Variants in ARL1 observed in about 807,000 individuals in gnomAD.
ARL1 encodes the protein ADP-ribosylation factor-like protein 1.
Under a neutral mutation model 30.1 loss-of-function variants are expected in ARL1, and 17 were observed. The observed-to-expected ratio is 0.56, with a 90% confidence interval of 0.39 to 0.85. ARL1 has a LOEUF of 0.85. Ranked by LOEUF, ARL1 falls within the 40% of genes least tolerant of loss-of-function variation. The probability of loss-of-function intolerance (pLI) is 0.00; values close to 1 mark genes in which losing one functional copy is unlikely to be tolerated. For synonymous variants in ARL1, 58 were observed against 71.7 expected (o/e 0.81, Z 0.97); for missense variants, 102 against 212.6 (o/e 0.48, Z 3.24).
Position 101,405,928 on chromosome 12 carries a change from T to C in ARL1, c.58A>G (p.Ile20Val). The C allele has an allele frequency of 1.3e-6, 2 of 1,569,946 alleles. No individual in the cohort carries two copies. Among genetic ancestry groups the C allele is most frequent in the South Asian group, 1.2e-5 (1 of 85,504 alleles). The stretch of plus-strand genomic sequence containing the variant: ...GCTCCATCTAATCCCAAAATTAAAA[T>C]TCTCATTTCCCGAGTTCCAAACAGA... ...SSLFGTREMR[I>V]LILGLDGAGK... The change falls in exon 2 of 6, where the codon ATT (isoleucine) becomes GTT (valine). Residue 20 changes from isoleucine (I) to valine (V), a missense_variant. Physicochemically the swap from Ile to Val is conservative, Grantham distance 29. Coordinates refer to ENST00000261636, the MANE Select transcript of ARL1 (RefSeq NM_001177.6).
chr12:101,401,426 C>T (rs1395247209), intron 3 of ARL1: 3 of 238,782 alleles, frequency 1.3e-5, no homozygotes, highest in South Asian at 9.7e-5. Context: ...CAACTGAGGT[C>T]GGGAGTTCGA....
intron 1 of ARL1, 113 bp downstream of exon 1, chr12:101,407,529 C>G (rs1871480073): frequency 1.4e-6 from 2 of 1,434,082 alleles, no homozygotes; most frequent in Admixed American, 3.8e-5. Context: ...GACCCGCCCC[C>G]TGAGGAGCTG....
In ARL1 at chr12:101,407,725, A is replaced by G; in HGVS notation, c.-80T>C. 6.3e-7 allele frequency: 1 copy of G among 1,598,992 alleles called. No homozygotes were observed. On this transcript the variant is annotated 5_prime_UTR_variant, in exon 1 of 6. Transcript: ENST00000261636. ...GCAGCTCCGAGGCGGTTTCCTCGCA[A>G]GCCCAGTCAGCCAGCAACTTCCACG...
chr12:101,401,352 A>G (rs539492243), intron 3 of ARL1, 179 bp from the exon 4 acceptor site: 6 of 491,578 alleles, frequency 1.2e-5, no homozygotes, highest in Admixed American at 7.4e-5. Context: ...GTTGATAAAC[A>G]TTGGCTGGGC....
Position 101,403,579 on chromosome 12 carries a change from T to C in ARL1, c.143-633A>G, listed in dbSNP as rs545426466. On this transcript the variant is annotated intron_variant, in intron 2 of 5. Coordinates refer to ENST00000261636, the MANE Select transcript of ARL1 (RefSeq NM_001177.6). ...TCTGCAGACATCCTCCAGAACTCAC[T>C]TGTAATAAGGTCATGGCTGGGTGGT... is the stretch of plus-strand genomic sequence containing the variant. 340 of 166,802 alleles carry C rather than the reference T, an allele frequency of 2.0e-3. 1 individual carries two copies. Among genetic ancestry groups the C allele is most frequent in the African/African-American group, 7.5e-3 (314 of 41,724 alleles). 10.3% of individuals were successfully genotyped at this position (166,802 alleles called of 1,614,324 possible).
rs373636760 is a variant in ARL1, at chr12:101,405,836, A to G, written c.142+8T>C. The stretch of plus-strand genomic sequence containing the variant: ...TCCCTACAATTAGCTCATCATACCA[A>G]CACTTACTAGGTATAGTAGTAACAA... On this transcript the variant is annotated splice_region_variant and intron_variant, in intron 2 of 5. Transcript: ENST00000261636. 1.4e-4 allele frequency: 222 copies of G among 1,548,292 alleles called. No individual in the cohort carries two copies. In the African/African-American group the frequency reaches 2.3e-3, roughly 16 times the overall value.
chr12:101,397,700 A>G (rs888337303), intron 4 of ARL1, among the ~76,000 whole-genome samples: 11 of 151,970 alleles, frequency 7.2e-5, no homozygotes, highest in African/African-American at 2.7e-4. Flanking sequence ...AGGTTTCACC[A>G]TGTTGGTCAC....
At chr12:101,405,076 G>C (rs1342206295) in intron 2 of ARL1, among the ~76,000 whole-genome samples, 1 of 152,040 alleles carries the variant, frequency 6.6e-6, no homozygotes, top group Non-Finnish European at 1.5e-5. Context: ...TCTCCATGTT[G>C]GTTGGGCTGG....
In ARL1 at chr12:101,395,821, G is replaced by A. The variant is rs138076259; in HGVS notation, c.516-151C>T. On this transcript the variant is annotated intron_variant, in intron 5 of 5. Transcript: ENST00000261636. ...AGGTTATGCACTAGATATCCATAAG[G>A]TTCCTCTAAGCTTTGAATTTGTCTA... Among the ~76,000 whole-genome samples, 698 of 152,180 alleles carry A rather than the reference G, an allele frequency of 4.6e-3. 5 individuals carry two copies. Among genetic ancestry groups the A allele is most frequent in the African/African-American group, 0.016 (680 of 41,516 alleles).
At chr12:101,402,818 T>A in intron 3 of ARL1, 47 bp downstream of exon 3, 2 of 1,342,204 alleles carry the variant, frequency 1.5e-6, no homozygotes, top group Non-Finnish European at 2.1e-6. Context: ...CTTAAAAGAA[T>A]CAATAAATGT....
rs911659073 is a variant in ARL1 at position 101,394,328 on chromosome 12, G to A, written c.*1312C>T. The A allele has an allele frequency of 6.6e-6, 1 of 152,112 alleles. No individual in the cohort carries two copies. The highest frequency in any genetic ancestry group is 2.4e-5 in the African/African-American group (1 of 41,426). The allele number at this position is 152,112 out of a possible 1,614,324, so 9.4% of individuals were successfully genotyped here. A position where few individuals can be genotyped will look rare whatever the true frequency, so the allele number is the denominator to read the frequency against. On this transcript the variant is annotated 3_prime_UTR_variant, in exon 6 of 6. Transcript: ENST00000261636. ...ACCAGCACCTAATTTTTTAGAGGCT[G>A]GTTTTCCAACTTAAGTGAAAGAAAT...
rs1199117125 is a variant in ARL1, at chr12:101,393,673, G to A, written c.*1967C>T. 1 of 152,138 alleles carries A rather than the reference G, an allele frequency of 6.6e-6. No individual in the cohort carries two copies. The highest frequency in any genetic ancestry group is 2.4e-5 in the African/African-American group (1 of 41,416). The allele number at this position is 152,138 out of a possible 1,614,324, so 9.4% of individuals were successfully genotyped here. A position where few individuals can be genotyped will look rare whatever the true frequency, so the allele number is the denominator to read the frequency against. Reference sequence around the variant, plus strand: ...CCAGAGGGATCAGGCTTAACCAAGTGCTGAACTTTGGGGCAACTTCATGCC... The same window carrying A: ...CCAGAGGGATCAGGCTTAACCAAGTACTGAACTTTGGGGCAACTTCATGCC... On this transcript the variant is annotated 3_prime_UTR_variant, in exon 6 of 6. Coordinates refer to ENST00000261636, the MANE Select transcript of ARL1 (RefSeq NM_001177.6).
chr12:101,407,575 C>T lies in ARL1; in HGVS notation c.4+67G>A, dbSNP rs1188375243. 5.6e-6 allele frequency: 9 copies of T among 1,601,044 alleles called. No homozygotes were observed. In the African/African-American group the frequency reaches 1.1e-4, roughly 19 times the overall value. On this transcript the variant is annotated intron_variant, in intron 1 of 5. Coordinates refer to ENST00000261636, the MANE Select transcript of ARL1 (RefSeq NM_001177.6). ...GGTATCCTGGCCGGCCCCTCTCCTC[C>T]TCTGCACCCCAGCCCTCGGCCGCGG...
rs1247756052 is a variant in ARL1 at position 101,401,265 on chromosome 12, A to G, written c.225-92T>C. 3.9e-6 allele frequency: 3 copies of G among 771,846 alleles called. No individual in the cohort carries two copies. The East Asian group carries it at 7.5e-5, about 19-fold the overall frequency. The allele number at this position is 771,846 out of a possible 1,614,324, so 47.8% of individuals were successfully genotyped here. On this transcript the variant is annotated intron_variant, in intron 3 of 5. Transcript: ENST00000261636. Reference sequence around the variant, plus strand: ...GCCAATTCTGTCCCACACATGTTAGAATCAATGCCTTAATGATTCACTGTT... The same window carrying G: ...GCCAATTCTGTCCCACACATGTTAGGATCAATGCCTTAATGATTCACTGTT...
At chr12:101,402,207 G>C (rs184064036) in intron 3 of ARL1, among the ~76,000 whole-genome samples, 1 of 152,156 alleles carries the variant, frequency 6.6e-6, no homozygotes, top group Admixed American at 6.5e-5. Flanking sequence ...TTTTGAGACA[G>C]AGTCTTGCTC....
At chr12:101,401,390 A>G (rs576147696) in intron 3 of ARL1, 71 of 360,408 alleles carry the variant, frequency 2.0e-4, no homozygotes, top group Middle Eastern at 6.5e-4. Flanking sequence ...TAATCCCAGC[A>G]TTTTAGGAGG....
intron 5 of ARL1, 41 bp from the exon 6 acceptor site, chr12:101,395,711 A>T: frequency 7.1e-7 from 1 of 1,400,716 alleles, no homozygotes; most frequent in Non-Finnish European, 9.9e-7. Context: ...ATTAATTTTC[A>T]GGTATAAAGC....
chr12:101,393,927 T>C lies in ARL1; in HGVS notation c.*1713A>G, dbSNP rs570081922. The C allele has an allele frequency of 2.0e-5, 3 of 151,876 alleles. No individual in the cohort carries two copies. In the South Asian group the frequency reaches 6.3e-4, roughly 32 times the overall value. The allele number at this position is 151,876 out of a possible 1,614,324, so 9.4% of individuals were successfully genotyped here. A position where few individuals can be genotyped will look rare whatever the true frequency, so the allele number is the denominator to read the frequency against. ...TTGTCAAGATGACAAATATCTATCC[T>C]ACTGTTTCAACTATGAACATATTCT... On this transcript the variant is annotated 3_prime_UTR_variant, in exon 6 of 6. Transcript: ENST00000261636.
At chr12:101,407,778 G>A (rs1438805586), upstream of ARL1, 8 of 1,348,810 alleles carry the variant, frequency 5.9e-6, no homozygotes, top group Non-Finnish European at 8.4e-6. Flanking sequence ...GCGGGAGCGA[G>A]GGTCAGCTGC....
Sources: gnomAD v4.1 joint callset for allele counts (sites outside exome capture counted in the v4.1 genomes callset) on GRCh38, gnomAD v4.1.1 for gene constraint, MANE v1.5 for transcripts, NCBI Gene and HGNC (gene_info 2026-07-23, HGNC 2026-07-21) for gene names.